ATP6V1E2: variants seen among roughly 807,000 people sequenced by gnomAD.
The protein encoded by ATP6V1E2 is ATPase H+ transporting V1 subunit E2.
For missense variants in ATP6V1E2, 308 were observed against 273.3 expected (o/e 1.13, Z -0.90); for synonymous variants, 121 against 104.2 (o/e 1.16, Z -0.98).
In ATP6V1E2 at chr2:46,525,477, GA is replaced by G. The variant is rs541025098; in HGVS notation, c.-102+10335del. On this transcript the variant is annotated intron_variant, in intron 4 of 4. Transcript: ENST00000522587. Reference sequence around the variant, plus strand: ...ACTCCGTCTCAAAAAAAAAAAAAAAGAAAAAAAAAAAAGAAAGCAGGGACAG... The same window carrying G: ...ACTCCGTCTCAAAAAAAAAAAAAAAGAAAAAAAAAAAGAAAGCAGGGACAG... 1.4e-3 allele frequency among the ~76,000 whole-genome samples: 173 copies of G among 126,504 alleles called. 1 individual carries two copies. Among genetic ancestry groups the G allele is most frequent in the Admixed American group, 3.7e-3 (43 of 11,718 alleles). 83.0% of individuals were successfully genotyped at this position (126,504 alleles called of 152,430 possible).
At chr2:46,517,134 G>T (rs1276419658) in intron 4 of ATP6V1E2, among the ~76,000 whole-genome samples, 6 of 152,152 alleles carry the variant, frequency 3.9e-5, no homozygotes, top group Non-Finnish European at 7.4e-5. Context: ...CATAAAGCTA[G>T]ATATATAGAC....
At chr2:46,540,463 A>G (rs1247132648) in intron 2 of ATP6V1E2, among the ~76,000 whole-genome samples, 1 of 151,538 alleles carries the variant, frequency 6.6e-6, no homozygotes, top group East Asian at 1.9e-4. Flanking sequence ...AAGAAAAAGA[A>G]AAAGAAATTT....
chr2:46,529,655 C>T (rs891277463), intron 4 of ATP6V1E2, among the ~76,000 whole-genome samples: 2 of 152,130 alleles, frequency 1.3e-5, no homozygotes, highest in African/African-American at 4.8e-5. Flanking sequence ...ACTCAGGAAG[C>T]TGAGGCGGGA....
At chr2:46,533,785 G>C (rs759785392) in intron 4 of ATP6V1E2, among the ~76,000 whole-genome samples, 8 of 152,064 alleles carry the variant, frequency 5.3e-5, no homozygotes, top group Non-Finnish European at 1.0e-4. Flanking sequence ...TTTGTTGTCT[G>C]ACAAACATTT....
chr2:46,540,927 C>T (rs1410012864), intron 2 of ATP6V1E2, among the ~76,000 whole-genome samples: 1 of 152,178 alleles, frequency 6.6e-6, no homozygotes, highest in Non-Finnish European at 1.5e-5. Flanking sequence ...CTATGACATT[C>T]CCAGAGCTTC....
At chr2:46,537,043 A>G in intron 2 of ATP6V1E2, among the ~76,000 whole-genome samples, 1 of 152,144 alleles carries the variant, frequency 6.6e-6, no homozygotes, top group Non-Finnish European at 1.5e-5. Context: ...TCGGCCTCCC[A>G]AAGTGCTGGG....
intron 2 of ATP6V1E2, among the ~76,000 whole-genome samples, chr2:46,540,935 T>C (rs545721010): frequency 6.6e-6 from 1 of 152,314 alleles, no homozygotes; most frequent in South Asian, 2.1e-4. Flanking sequence ...TTCCCAGAGC[T>C]TCTCCTACTC....
In ATP6V1E2 at chr2:46,533,203, G is replaced by GTACATAGA. The variant is rs1414022037; in HGVS notation, c.-102+2609_-102+2610insTCTATGTA. Among the ~76,000 whole-genome samples, 11 of 148,288 alleles carry GTACATAGA rather than the reference G, an allele frequency of 7.4e-5. No individual in the cohort carries two copies. The South Asian group carries it at 2.3e-3, about 32-fold the overall frequency. On this transcript the variant is annotated intron_variant, in intron 4 of 4. Coordinates refer to ENST00000522587, the MANE Select transcript of ATP6V1E2 (RefSeq NM_001318063.2). ...TCATATATAGTGTGTGCATGTATGT[G>GTACATAGA]TAGATAGATAGATAGATAGATAGAT...
At chr2:46,519,543 A>T (rs896211) in intron 4 of ATP6V1E2, 2 of 152,272 alleles carry the variant, frequency 1.3e-5, no homozygotes, top group East Asian at 3.9e-4. Context: ...GTCGGCGTGG[A>T]CTCTGCAGTC....
intron 2 of ATP6V1E2, among the ~76,000 whole-genome samples, chr2:46,538,667 T>C (rs1393313738): frequency 6.6e-6 from 1 of 152,038 alleles, no homozygotes; most frequent in African/African-American, 2.4e-5. Context: ...CTCTCTCTCT[T>C]TGCTTCTCTC....
chr2:46,526,042 C>T (rs1157555247), intron 4 of ATP6V1E2, among the ~76,000 whole-genome samples: 4 of 152,084 alleles, frequency 2.6e-5, no homozygotes, highest in Non-Finnish European at 4.4e-5. Context: ...AAAAGTGAAA[C>T]CTTTTTTGTT....
At chr2:46,513,607 C>T (rs181154634) in intron 4 of ATP6V1E2, among the ~76,000 whole-genome samples, 248 of 151,766 alleles carry the variant, frequency 1.6e-3, no homozygotes, top group Non-Finnish European at 2.9e-3. Flanking sequence ...GGGTGGATCA[C>T]GAGGTCAGGA....
chr2:46,516,585 C>T (rs547115828), intron 4 of ATP6V1E2, among the ~76,000 whole-genome samples: 1 of 152,128 alleles, frequency 6.6e-6, no homozygotes, highest in South Asian at 2.1e-4. Context: ...CAGAATGAGA[C>T]CCTATCTCTA....
intron 4 of ATP6V1E2, among the ~76,000 whole-genome samples, chr2:46,525,461 C>CAAAAAAAAAAAAAAAAAAAAAA (rs57428249): frequency 1.8e-5 from 1 of 56,730 alleles, no homozygotes; most frequent in Non-Finnish European, 3.3e-5. Flanking sequence ...GACTCCGTCT[C>CAAAAAAAAAAAAAAAAAAAAAA]AAAAAAAAAA....
At chr2:46,537,824 G>A (rs975328381) in intron 2 of ATP6V1E2, among the ~76,000 whole-genome samples, 1 of 152,248 alleles carries the variant, frequency 6.6e-6, no homozygotes, top group African/African-American at 2.4e-5. Flanking sequence ...AAATGAATGT[G>A]TTTTAGAACA....
At chr2:46,537,943 G>T (rs1306297259) in intron 2 of ATP6V1E2, among the ~76,000 whole-genome samples, 2 of 152,024 alleles carry the variant, frequency 1.3e-5, no homozygotes, top group Non-Finnish European at 2.9e-5. Context: ...GTCCAAAGAA[G>T]AAGTGGGAAG....
At chr2:46,534,029 T>C (rs6544901) in intron 4 of ATP6V1E2, among the ~76,000 whole-genome samples, 6,366 of 152,288 alleles carry the variant, frequency 0.042, 452 homozygotes, top group African/African-American at 0.14. Flanking sequence ...GTGATTTAAT[T>C]ACAAAGTGCC....
chr2:46,519,498 G>A (rs1188578011), intron 4 of ATP6V1E2: 1 of 152,306 alleles, frequency 6.6e-6, no homozygotes, highest in Non-Finnish European at 1.5e-5. Flanking sequence ...TTCATGCCCA[G>A]ACAGGGCCTA....
chr2:46,518,745 A>G (rs1666437004), intron 4 of ATP6V1E2, among the ~76,000 whole-genome samples: 1 of 148,276 alleles, frequency 6.7e-6, no homozygotes, highest in African/African-American at 2.5e-5. Flanking sequence ...CTCCTAAATA[A>G]GACAAGTCAA....
Sources: allele counts gnomAD v4.1 joint callset (sites outside exome capture counted in the v4.1 genomes callset), GRCh38; gene constraint gnomAD v4.1.1; transcripts MANE v1.5; gene names NCBI Gene and HGNC (gene_info 2026-07-23, HGNC 2026-07-21).